Variants in PTPRD observed in about 807,000 individuals in gnomAD.
PTPRD encodes receptor-type tyrosine-protein phosphatase delta.
In PTPRD, 34 loss-of-function variants were observed where a neutral mutation model predicts 214.5. That is an observed-to-expected ratio of 0.16 (90% CI 0.12 to 0.21). The LOEUF (loss-of-function observed/expected upper bound fraction) is 0.21, where lower values mean the gene tolerates loss of function less well. Ranked by LOEUF, PTPRD falls within the 10% of genes least tolerant of loss-of-function variation. The probability of loss-of-function intolerance (pLI) is 1.00; values close to 1 mark genes in which losing one functional copy is unlikely to be tolerated. For missense variants in PTPRD, 2,545 were observed against 2,398.7 expected (o/e 1.06, Z -1.27); for synonymous variants, 1,128 against 845.7 (o/e 1.33, Z -5.79).
intron 4 of PTPRD, among the ~76,000 whole-genome samples, chr9:9,944,576 A>G (rs2092261187): frequency 6.6e-6 from 1 of 152,120 alleles, no homozygotes; most frequent in Non-Finnish European, 1.5e-5. Flanking sequence ...GAAGACCTGA[A>G]GGAAAAAAGG....
intron 14 of PTPRD, among the ~76,000 whole-genome samples, chr9:8,583,080 T>C (rs144513767): frequency 2.7e-4 from 41 of 152,350 alleles, no homozygotes; most frequent in Middle Eastern, 3.4e-3. Context: ...AAGATGAAAC[T>C]GTTCCACCTC....
intron 5 of PTPRD, among the ~76,000 whole-genome samples, chr9:9,876,285 T>A (rs999656016): frequency 6.6e-6 from 1 of 152,142 alleles, no homozygotes; most frequent in Non-Finnish European, 1.5e-5. Context: ...TTCTTTCTAA[T>A]AAAGAATCCT....
chr9:9,768,339 G>A (rs1205052559), intron 5 of PTPRD, among the ~76,000 whole-genome samples: 1 of 152,106 alleles, frequency 6.6e-6, no homozygotes, highest in Non-Finnish European at 1.5e-5. Context: ...ATAAATGTTA[G>A]CTATTAAAAC....
intron 11 of PTPRD, among the ~76,000 whole-genome samples, chr9:8,996,555 C>T (rs142540086): frequency 7.2e-5 from 11 of 152,080 alleles, no homozygotes; most frequent in African/African-American, 2.2e-4. Flanking sequence ...ATATCTCAGA[C>T]TGGGTAGTTT....
At chr9:8,555,362 G>A (rs1437150308) in intron 14 of PTPRD, among the ~76,000 whole-genome samples, 4 of 152,128 alleles carry the variant, frequency 2.6e-5, no homozygotes, top group Middle Eastern at 3.2e-3. Context: ...AGCTGTGACT[G>A]CGCCACTGCA....
At chr9:10,006,139 T>A (rs1339615504) in intron 4 of PTPRD, among the ~76,000 whole-genome samples, 1 of 152,000 alleles carries the variant, frequency 6.6e-6, no homozygotes, top group African/African-American at 2.4e-5. Context: ...ATTTCAAAGT[T>A]TTTAAGAGAA....
At chr9:8,709,913 A>C (rs1420122494) in intron 12 of PTPRD, among the ~76,000 whole-genome samples, 2 of 152,194 alleles carry the variant, frequency 1.3e-5, no homozygotes, top group African/African-American at 4.8e-5. Context: ...GGAATTAAGC[A>C]TGTGATCTCT....
intron 3 of PTPRD, among the ~76,000 whole-genome samples, chr9:10,319,337 T>A (rs1272231497): frequency 6.6e-6 from 1 of 152,254 alleles, no homozygotes; most frequent in South Asian, 2.1e-4. Flanking sequence ...TACAGTCAGT[T>A]ATTGCATTAG....
At chr9:9,111,577 C>CTG (rs1298867843) in intron 10 of PTPRD, among the ~76,000 whole-genome samples, 1 of 152,114 alleles carries the variant, frequency 6.6e-6, no homozygotes, top group African/African-American at 2.4e-5. Context: ...AAAGTAGTAA[C>CTG]TATCAGATTG....
At chr9:9,928,156 G>A (rs974068396) in intron 5 of PTPRD, among the ~76,000 whole-genome samples, 2 of 152,024 alleles carry the variant, frequency 1.3e-5, no homozygotes, top group African/African-American at 4.8e-5. Context: ...ACAGTTGTTG[G>A]CAATATTAAA....
chr9:9,750,251 T>C (rs1044257010), intron 6 of PTPRD, among the ~76,000 whole-genome samples: 2 of 152,110 alleles, frequency 1.3e-5, no homozygotes, highest in African/African-American at 4.8e-5. Flanking sequence ...ATTATTGAAA[T>C]GCTCAAAAAT....
At chr9:10,375,307 G>A (rs572066313) in intron 2 of PTPRD, among the ~76,000 whole-genome samples, 5 of 151,974 alleles carry the variant, frequency 3.3e-5, no homozygotes, top group Admixed American at 3.3e-4. Context: ...TGCAGAACTG[G>A]ATCTATTTTA....
At chr9:8,772,404 G>C (rs1355944051) in intron 11 of PTPRD, among the ~76,000 whole-genome samples, 2 of 104,348 alleles carry the variant, frequency 1.9e-5, no homozygotes, top group Non-Finnish European at 4.2e-5. Flanking sequence ...AAGAAGTACA[G>C]TTAAAAACCT....
intron 3 of PTPRD, among the ~76,000 whole-genome samples, chr9:10,280,352 C>T (rs1247958564): frequency 1.5e-5 from 2 of 137,350 alleles, no homozygotes; most frequent in African/African-American, 7.0e-5. Context: ...TATTTAAATA[C>T]ATAAACACCA....
chr9:10,025,656 T>C (rs79046476), intron 4 of PTPRD, among the ~76,000 whole-genome samples: 1 of 152,128 alleles, frequency 6.6e-6, no homozygotes, highest in Non-Finnish European at 1.5e-5. Flanking sequence ...AGAAACTTTT[T>C]AAAAAATTAG....
chr9:10,245,876 A>G (rs746788906), intron 3 of PTPRD, among the ~76,000 whole-genome samples: 1 of 152,204 alleles, frequency 6.6e-6, no homozygotes, highest in Non-Finnish European at 1.5e-5. Context: ...TAAAGCTTCA[A>G]GAATGAGGTG....
At chr9:8,875,978 C>A (rs2098385266) in intron 11 of PTPRD, among the ~76,000 whole-genome samples, 1 of 152,158 alleles carries the variant, frequency 6.6e-6, no homozygotes, top group Admixed American at 6.5e-5. Context: ...AATCCTGTAG[C>A]CCTATGCCTG....
intron 9 of PTPRD, among the ~76,000 whole-genome samples, chr9:9,340,691 A>T (rs1267284759): frequency 6.6e-6 from 1 of 152,240 alleles, no homozygotes; most frequent in African/African-American, 2.4e-5. Flanking sequence ...GCTGTTGGAC[A>T]TGCTGTTGGA....
At chr9:8,806,202 G>C (rs2096675802) in intron 11 of PTPRD, among the ~76,000 whole-genome samples, 2 of 150,246 alleles carry the variant, frequency 1.3e-5, no homozygotes, top group African/African-American at 2.5e-5. Flanking sequence ...TGGGATTACA[G>C]GCATGGAGAT....
Sources: allele counts gnomAD v4.1 joint callset (sites outside exome capture counted in the v4.1 genomes callset), GRCh38; gene constraint gnomAD v4.1.1; transcripts MANE v1.5; gene names NCBI Gene and HGNC (gene_info 2026-07-23, HGNC 2026-07-21).